HTR1F: variants seen among roughly 807,000 people sequenced by gnomAD.
HTR1F encodes the protein 5-hydroxytryptamine (serotonin) receptor 1F, G protein-coupled.
Under a neutral mutation model 24.0 loss-of-function variants are expected in HTR1F, and 17 were observed. The ratio of observed to expected loss-of-function variants is 0.71; its 90% CI spans 0.48 to 1.06. HTR1F has a LOEUF of 1.06. Among genes scored for constraint, HTR1F ranks in the 50% least tolerant of loss-of-function variants. The pLI is 0.00. For missense variants in HTR1F, 391 were observed against 427.8 expected, an observed-to-expected ratio of 0.91 and a Z score of 0.76; for synonymous variants, 186 against 156.8, an observed-to-expected ratio of 1.19 and a Z score of -1.39.
rs11456568 is a variant in HTR1F at position 87,946,540 on chromosome 3, T to TAA, written c.-42-44161_-42-44160dup. On this transcript the variant is annotated intron_variant, in intron 2 of 2. Transcript: ENST00000319595. Reference sequence around the variant, plus strand: ...TCTAAAATCAAATGCTTATCTACACTAAAAAAAATTTAATGTACCTAATAC... The same window carrying TAA: ...TCTAAAATCAAATGCTTATCTACACTAAAAAAAAAATTTAATGTACCTAATAC... Among the ~76,000 whole-genome samples the TAA allele has an allele frequency of 1.2e-3, 183 of 150,228 alleles. 1 individual carries two copies. Among genetic ancestry groups the TAA allele is most frequent in the African/African-American group, 4.1e-3 (167 of 40,994 alleles).
At chr3:87,938,594 T>C (rs898303191) in intron 2 of HTR1F, among the ~76,000 whole-genome samples, 1 of 151,930 alleles carries the variant, frequency 6.6e-6, no homozygotes, top group African/African-American at 2.4e-5. Flanking sequence ...AACTGACACA[T>C]AGACAAATGG....
At chr3:87,957,955 C>T (rs149416802) in intron 2 of HTR1F, among the ~76,000 whole-genome samples, 5 of 151,030 alleles carry the variant, frequency 3.3e-5, no homozygotes, top group South Asian at 2.1e-4. Flanking sequence ...ATTTAGTTTG[C>T]GCTCCTCCTT....
intron 2 of HTR1F, among the ~76,000 whole-genome samples, chr3:87,937,673 C>T (rs1250976616): frequency 2.0e-5 from 3 of 152,050 alleles, no homozygotes; most frequent in Non-Finnish European, 4.4e-5. Context: ...CCTGTAATCC[C>T]AGCACTTTGG....
intron 2 of HTR1F, among the ~76,000 whole-genome samples, chr3:87,933,124 G>A (rs1704323773): frequency 2.0e-5 from 3 of 151,840 alleles, no homozygotes; most frequent in Non-Finnish European, 4.4e-5. Context: ...CTCAATAGAT[G>A]CAGAAAAGGC....
At chr3:87,951,951 A>G (rs1704843567) in intron 2 of HTR1F, among the ~76,000 whole-genome samples, 1 of 151,982 alleles carries the variant, frequency 6.6e-6, no homozygotes, top group Non-Finnish European at 1.5e-5. Flanking sequence ...GGCTTCTTTC[A>G]TTTAGTAATA....
At chr3:87,990,373 CCA>C (rs1234688091) in intron 2 of HTR1F, among the ~76,000 whole-genome samples, 1 of 152,092 alleles carries the variant, frequency 6.6e-6, no homozygotes, top group Non-Finnish European at 1.5e-5. Flanking sequence ...ATCGGGCCTG[CCA>C]CACTTTTAAA....
chr3:87,819,028 C>T (rs373187647), intron 1 of HTR1F, among the ~76,000 whole-genome samples: 1 of 152,172 alleles, frequency 6.6e-6, no homozygotes, highest in East Asian at 1.9e-4. Context: ...CTGCAATATC[C>T]TATTATATAC....
intron 2 of HTR1F, among the ~76,000 whole-genome samples, chr3:87,919,187 C>A (rs1350103750): frequency 6.6e-6 from 1 of 152,100 alleles, no homozygotes; most frequent in Middle Eastern, 3.2e-3. Flanking sequence ...GAGAATGCAA[C>A]TGGATCCTCA....
chr3:87,969,720 A>G (rs6792476), intron 2 of HTR1F, among the ~76,000 whole-genome samples: 2,496 of 152,266 alleles, frequency 0.016, 78 homozygotes, highest in African/African-American at 0.056. Flanking sequence ...TTGAGAAGGC[A>G]TGATTGGTTT....
At chr3:87,794,808 T>C (rs1028715051) in intron 1 of HTR1F, among the ~76,000 whole-genome samples, 12 of 152,180 alleles carry the variant, frequency 7.9e-5, no homozygotes, top group African/African-American at 2.4e-4. Context: ...AAAGTCAACT[T>C]GTTCACTTTT....
At chr3:87,954,055 G>A (rs1315593161) in intron 2 of HTR1F, among the ~76,000 whole-genome samples, 1 of 151,662 alleles carries the variant, frequency 6.6e-6, no homozygotes, top group East Asian at 1.9e-4. Context: ...TGGTGGGCAG[G>A]TGGAGACAGC....
At position 87,887,128 on chromosome 3, in the gene HTR1F, A is replaced by C. The variant is rs143277112; in HGVS notation, c.-43+65004A>C. Among the ~76,000 whole-genome samples, 204 of 152,290 alleles carry C rather than the reference A, an allele frequency of 1.3e-3. 2 individuals carry two copies. The highest frequency in any genetic ancestry group is 4.7e-3 in the African/African-American group (195 of 41,562). ...GCATGGGACTGATACCAAAACAAAC[A>C]TACAGACCAATGGAACAGAACAGAG... On this transcript the variant is annotated intron_variant, in intron 2 of 2. Coordinates refer to ENST00000319595, the MANE Select transcript of HTR1F (RefSeq NM_001322209.2).
At chr3:87,906,942 G>C (rs1266780942) in intron 2 of HTR1F, among the ~76,000 whole-genome samples, 1 of 151,964 alleles carries the variant, frequency 6.6e-6, no homozygotes, top group East Asian at 1.9e-4. Flanking sequence ...TTGATTGATG[G>C]GCATTTGGGC....
chr3:87,884,575 A>C (rs1287672535), intron 2 of HTR1F, among the ~76,000 whole-genome samples: 3 of 152,152 alleles, frequency 2.0e-5, no homozygotes, highest in Non-Finnish European at 4.4e-5. Context: ...AAGAGTCAAG[A>C]CTCATCACTG....
At chr3:87,871,024 G>A (rs1486260795) in intron 2 of HTR1F, among the ~76,000 whole-genome samples, 1 of 148,690 alleles carries the variant, frequency 6.7e-6, no homozygotes, top group Non-Finnish European at 1.5e-5. Context: ...AAACAGGGAA[G>A]TATGGCTCAA....
intron 1 of HTR1F, among the ~76,000 whole-genome samples, chr3:87,819,806 A>G (rs1173243689): frequency 2.0e-5 from 3 of 152,062 alleles, no homozygotes; most frequent in Admixed American, 1.3e-4. Flanking sequence ...AAATTTCCCA[A>G]AATGAAACTC....
At chr3:87,978,894 A>T (rs13061379) in intron 2 of HTR1F, among the ~76,000 whole-genome samples, 6,029 of 25,610 alleles carry the variant, frequency 0.24, 834 homozygotes, top group African/African-American at 0.45. Context: ...GGGAGGGAGG[A>T]AGGAAGGAAG....
At chr3:87,805,631 T>C (rs2107081698) in intron 1 of HTR1F, among the ~76,000 whole-genome samples, 1 of 152,202 alleles carries the variant, frequency 6.6e-6, no homozygotes, top group Middle Eastern at 3.4e-3. Flanking sequence ...TTCCATGTGT[T>C]GGGAACATTT....
chr3:87,941,307 A>T (rs1317179391), intron 2 of HTR1F, among the ~76,000 whole-genome samples: 1 of 152,140 alleles, frequency 6.6e-6, no homozygotes, highest in Non-Finnish European at 1.5e-5. Context: ...GAACCCTCTT[A>T]GTTGCTTTAG....
Sources: allele counts gnomAD v4.1 joint callset (sites outside exome capture counted in the v4.1 genomes callset), GRCh38; gene constraint gnomAD v4.1.1; transcripts MANE v1.5; gene names NCBI Gene and HGNC (gene_info 2026-07-23, HGNC 2026-07-21).